Variants in PCDH15 observed in about 807,000 individuals in gnomAD.
PCDH15 encodes the protein protocadherin related 15, also known as protocadherin-15.
Under a neutral mutation model 178.5 loss-of-function variants are expected in PCDH15, and 129 were observed. The observed-to-expected ratio is 0.72, with a 90% CI of 0.63 to 0.84. PCDH15 has a LOEUF of 0.84. Ranked by LOEUF, PCDH15 falls within the 40% of genes least tolerant of loss-of-function variation. The pLI, the probability that PCDH15 is intolerant of heterozygous loss-of-function variation, is 0.00. For missense variants in PCDH15, 2,230 were observed against 2,099.9 expected (o/e 1.06, Z -1.21); for synonymous variants, 800 against 732.0 (o/e 1.09, Z -1.50).
At chr10:55,483,584 A>T (rs1046181406) in intron 2 of PCDH15, among the ~76,000 whole-genome samples, 26 of 151,848 alleles carry the variant, frequency 1.7e-4, no homozygotes, top group African/African-American at 6.3e-4. Context: ...TTCCTCAAAG[A>T]TCTAAAGACT....
intron 2 of PCDH15, among the ~76,000 whole-genome samples, chr10:54,540,046 G>C (rs1245245295): frequency 6.6e-6 from 1 of 152,038 alleles, no homozygotes; most frequent in Non-Finnish European, 1.5e-5. Context: ...ACCTTAAAAA[G>C]TTAGAAAAAT....
intron 1 of PCDH15, among the ~76,000 whole-genome samples, chr10:54,732,061 T>G (rs1398761138): frequency 6.6e-6 from 1 of 150,916 alleles, no homozygotes; most frequent in Admixed American, 6.6e-5. Context: ...TGAAAATATG[T>G]ACATCTATTA....
At chr10:53,965,304 C>A (rs965840371) in intron 21 of PCDH15, among the ~76,000 whole-genome samples, 2 of 152,066 alleles carry the variant, frequency 1.3e-5, no homozygotes, top group Admixed American at 6.5e-5. Context: ...ATGATCCGCT[C>A]GCCTTTGCCT....
At chr10:54,395,812 T>A (rs1951142649) in intron 3 of PCDH15, among the ~76,000 whole-genome samples, 1 of 152,176 alleles carries the variant, frequency 6.6e-6, no homozygotes, top group South Asian at 2.1e-4. Context: ...TGTGACTTAT[T>A]AAGTCCCATA....
At chr10:55,116,614 G>T (rs920648700) in intron 2 of PCDH15, among the ~76,000 whole-genome samples, 2 of 152,102 alleles carry the variant, frequency 1.3e-5, no homozygotes, top group African/African-American at 4.8e-5. Context: ...GATGCTTGCC[G>T]TGATTCTGCT....
At chr10:54,347,340 C>A (rs553409026) in intron 5 of PCDH15, among the ~76,000 whole-genome samples, 1 of 152,192 alleles carries the variant, frequency 6.6e-6, no homozygotes, top group East Asian at 1.9e-4. Flanking sequence ...CCTCAAATAG[C>A]ATTACACACG....
At chr10:55,032,212 T>G (rs4641371) in intron 2 of PCDH15, among the ~76,000 whole-genome samples, 69,691 of 152,020 alleles carry the variant, frequency 0.46, 17,868 homozygotes, top group East Asian at 0.75. Flanking sequence ...AAATGAGGAA[T>G]ATCTTATTGG....
chr10:55,023,330 T>A (rs1591841326), intron 2 of PCDH15, among the ~76,000 whole-genome samples: 1 of 152,296 alleles, frequency 6.6e-6, no homozygotes, highest in Non-Finnish European at 1.5e-5. Flanking sequence ...AAAACTAATA[T>A]TCAAATAAAA....
At chr10:55,234,003 T>C (rs1564916615) in intron 1 of PCDH15, among the ~76,000 whole-genome samples, 1 of 152,086 alleles carries the variant, frequency 6.6e-6, no homozygotes, top group Non-Finnish European at 1.5e-5. Flanking sequence ...TTATATTACC[T>C]GAAGGCTATG....
intron 2 of PCDH15, among the ~76,000 whole-genome samples, chr10:54,571,751 T>C (rs1310480765): frequency 2.0e-5 from 3 of 152,132 alleles, no homozygotes; most frequent in Non-Finnish European, 4.4e-5. Context: ...AACACATACT[T>C]CACCTTTTTC....
intron 3 of PCDH15, among the ~76,000 whole-genome samples, chr10:54,474,663 T>C (rs1437474803): frequency 6.6e-6 from 1 of 151,956 alleles, no homozygotes; most frequent in African/African-American, 2.4e-5. Flanking sequence ...TCCATAGGAA[T>C]TTTTTATATG....
chr10:54,182,301 A>G (rs190854320), intron 13 of PCDH15, among the ~76,000 whole-genome samples: 8 of 152,340 alleles, frequency 5.3e-5, no homozygotes, highest in Admixed American at 5.2e-4. Context: ...TTAACAATTA[A>G]TGCAAAGTTG....
chr10:54,769,878 T>C (rs1433653909), intron 1 of PCDH15, among the ~76,000 whole-genome samples: 3 of 152,144 alleles, frequency 2.0e-5, no homozygotes, highest in African/African-American at 4.8e-5. Flanking sequence ...AGCAAATACC[T>C]TTTTGTCTGT....
At position 53,919,009 on chromosome 10, in the gene PCDH15, G is replaced by A. The variant is rs899426194; in HGVS notation, c.3374-15639C>T. On this transcript the variant is annotated intron_variant, in intron 25 of 37. Coordinates refer to ENST00000644397, the MANE Select transcript of PCDH15 (RefSeq NM_001384140.1). ...TAAGCTTAGTGTCCTTTCATCAGTC[G>A]AATCTAGCAATGGCCAGTGGATTCT... Among the ~76,000 whole-genome samples the A allele has an allele frequency of 5.3e-5, 8 of 152,132 alleles. No individual in the cohort carries two copies. The East Asian group carries it at 1.2e-3, about 22-fold the overall frequency.
intron 2 of PCDH15, among the ~76,000 whole-genome samples, chr10:54,561,911 T>A (rs148842856): frequency 3.1e-4 from 46 of 150,468 alleles, no homozygotes; most frequent in African/African-American, 9.7e-4. Context: ...TTCGATCTCC[T>A]GACCTCATTA....
chr10:54,185,201 C>A lies in PCDH15; in HGVS notation c.1373G>T (p.Gly458Val), dbSNP rs766969775. 3.1e-6 allele frequency: 5 copies of A among 1,613,404 alleles called. No individual in the cohort carries two copies. Among genetic ancestry groups the A allele is most frequent in the Non-Finnish European group, 4.2e-6 (5 of 1,179,684 alleles). The change falls in exon 12 of 38, where the codon GGT becomes GTT. Residue 458 changes from glycine to valine, a missense_variant. Coordinates refer to ENST00000644397, the MANE Select transcript of PCDH15 (RefSeq NM_001384140.1). Reference sequence around the variant, plus strand: ...AAGTAAGGTGAGGTAGCGAGTAATACCAGTCTGTGTGACGGTGAAGACTGA... The same window carrying A: ...AAGTAAGGTGAGGTAGCGAGTAATAACAGTCTGTGTGACGGTGAAGACTGA... ...YTSVFTVTQT[G>V]ITRYLTLLQP...
intron 1 of PCDH15, among the ~76,000 whole-genome samples, chr10:54,762,085 A>C (rs1451080268): frequency 1.3e-5 from 2 of 152,150 alleles, no homozygotes; most frequent in African/African-American, 4.8e-5. Flanking sequence ...TATACTCTCC[A>C]ACTAATTTAA....
intron 2 of PCDH15, among the ~76,000 whole-genome samples, chr10:54,950,038 T>G (rs1400433896): frequency 1.3e-5 from 2 of 152,030 alleles, no homozygotes; most frequent in East Asian, 3.9e-4. Context: ...AGTTCCAAAG[T>G]TGCTTCCACA....
chr10:55,054,741 T>G (rs1841254754), intron 2 of PCDH15, among the ~76,000 whole-genome samples: 1 of 152,218 alleles, frequency 6.6e-6, no homozygotes. Context: ...CATTGTGGTT[T>G]GATTTGCATT....
Sources: allele counts gnomAD v4.1 joint callset (sites outside exome capture counted in the v4.1 genomes callset), GRCh38; gene constraint gnomAD v4.1.1; transcripts MANE v1.5; gene names NCBI Gene and HGNC (gene_info 2026-07-23, HGNC 2026-07-21).